Variants in DNAH9 observed in about 807,000 individuals in gnomAD.
DNAH9 encodes dynein axonemal heavy chain 9, also known as DNAH9 variant protein.
DNAH9 carries 345 observed loss-of-function variants against 471.6 expected under a neutral mutation model. That is an observed-to-expected ratio of 0.73 (90% CI 0.67 to 0.80). The LOEUF (loss-of-function observed/expected upper bound fraction) is 0.80, where lower values mean the gene tolerates loss of function less well. Ranked by LOEUF, DNAH9 falls within the 30% of genes least tolerant of loss-of-function variation. DNAH9 has a pLI of 0.00. For synonymous variants in DNAH9, 2,093 were observed against 2,123.6 expected (o/e 0.99, Z 0.40); for missense variants, 5,407 against 5,609.2 (o/e 0.96, Z 1.15).
intron 4 of DNAH9, chr17:11,612,136 C>T: frequency 1.9e-6 from 1 of 538,758 alleles, no homozygotes; most frequent in Admixed American, 3.2e-5. Flanking sequence ...GGAGCTGTCC[C>T]TTTGTGTCTT....
intron 24 of DNAH9, 43 bp from the exon 25 acceptor site, chr17:11,704,160 C>G: frequency 1.2e-6 from 2 of 1,609,462 alleles, no homozygotes; most frequent in Middle Eastern, 1.7e-4. Context: ...TGGTTGGAAA[C>G]AGCCATGATA....
At chr17:11,713,408 G>A (rs550078974) in intron 26 of DNAH9, among the ~76,000 whole-genome samples, 2 of 151,946 alleles carry the variant, frequency 1.3e-5, no homozygotes, top group Non-Finnish European at 2.9e-5. Flanking sequence ...ATTCCTCTGG[G>A]TATATACCCA....
intron 55 of DNAH9, chr17:11,883,018 G>C: frequency 1.0e-6 from 1 of 985,836 alleles, no homozygotes; most frequent in South Asian, 4.7e-5. Context: ...GCTGCCTGAA[G>C]TTAGTGCTTT....
At chr17:11,747,871 C>A in intron 32 of DNAH9, 105 bp downstream of exon 32, 1 of 1,045,570 alleles carries the variant, frequency 9.6e-7, no homozygotes, top group Non-Finnish European at 1.4e-6. Context: ...TTGGACTGAT[C>A]TGTTTGGAAC....
intron 61 of DNAH9, among the ~76,000 whole-genome samples, chr17:11,913,755 C>T (rs1006608749): frequency 1.3e-5 from 2 of 150,368 alleles, no homozygotes; most frequent in African/African-American, 4.9e-5. Flanking sequence ...GCACTCCAGC[C>T]TGGGCGACAG....
At chr17:11,912,648 G>A (rs1973827355) in intron 61 of DNAH9, among the ~76,000 whole-genome samples, 1 of 151,996 alleles carries the variant, frequency 6.6e-6, no homozygotes, top group Non-Finnish European at 1.5e-5. Flanking sequence ...GCATTCCTAG[G>A]ATCTCAGTCA....
intron 67 of DNAH9, among the ~76,000 whole-genome samples, chr17:11,947,410 C>A (rs1312035857): frequency 6.6e-6 from 1 of 152,130 alleles, no homozygotes; most frequent in Non-Finnish European, 1.5e-5. Context: ...ACTTTTAATG[C>A]CCAATACAGT....
chr17:11,830,002 T>TC (rs1164777333), intron 48 of DNAH9, among the ~76,000 whole-genome samples: 1 of 152,200 alleles, frequency 6.6e-6, no homozygotes, highest in African/African-American at 2.4e-5. Context: ...CAGGCCTGTT[T>TC]CCCTCTGGAG....
At chr17:11,916,913 T>C (rs1189136486) in intron 61 of DNAH9, among the ~76,000 whole-genome samples, 1 of 152,204 alleles carries the variant, frequency 6.6e-6, no homozygotes, top group Non-Finnish European at 1.5e-5. Flanking sequence ...CTTCAGTCCC[T>C]GAAGTTTATC....
chr17:11,651,204 T>C lies in DNAH9; in HGVS notation c.2233T>C (p.Trp745Arg). Residue 745 changes from tryptophan (W) to arginine (R), a missense_variant, in exon 13 of 69, where the codon TGG becomes CGG. By Grantham distance (101) the Trp-to-Arg change is moderately radical. Coordinates refer to ENST00000262442, the MANE Select transcript of DNAH9 (RefSeq NM_001372.4). ...LVANLELMANWYNKVMKTLLE... is the reference protein window; with the variant it reads ...LVANLELMANRYNKVMKTLLE... Reference sequence around the variant, plus strand: ...GGCTAATTTAGAGTTGATGGCAAATTGGTACAACAAGGTTATGAAAACTCT... The same window carrying C: ...GGCTAATTTAGAGTTGATGGCAAATCGGTACAACAAGGTTATGAAAACTCT... 6.2e-7 allele frequency: 1 copy of C among 1,614,078 alleles called. No homozygotes were observed. The highest frequency in any genetic ancestry group is 8.5e-7 in the Non-Finnish European group (1 of 1,180,014).
intron 1 of DNAH9, among the ~76,000 whole-genome samples, chr17:11,600,511 G>A (rs758676755): frequency 2.6e-5 from 4 of 152,098 alleles, no homozygotes; most frequent in African/African-American, 4.8e-5. Flanking sequence ...GAAAATTCTC[G>A]AATGTTTAAG....
chr17:11,659,131 G>C (rs192546054), intron 14 of DNAH9, among the ~76,000 whole-genome samples: 1 of 151,466 alleles, frequency 6.6e-6, no homozygotes, highest in Admixed American at 6.6e-5. Context: ...TTCTTCTGGG[G>C]AAAGTGTTTG....
At chr17:11,696,081 G>A (rs926289656) in intron 22 of DNAH9, among the ~76,000 whole-genome samples, 2 of 152,108 alleles carry the variant, frequency 1.3e-5, no homozygotes, top group African/African-American at 4.8e-5. Context: ...CCATAACCAC[G>A]TCTGTTCCAC....
intron 61 of DNAH9, among the ~76,000 whole-genome samples, 176 bp downstream of exon 61, chr17:11,905,985 A>T (rs1973584199): frequency 6.6e-6 from 1 of 152,210 alleles, no homozygotes; most frequent in Admixed American, 6.5e-5. Context: ...AGGGAGAGAA[A>T]GAGCCACTCT....
At chr17:11,646,384 C>T (rs1290122898) in intron 11 of DNAH9, among the ~76,000 whole-genome samples, 1 of 152,166 alleles carries the variant, frequency 6.6e-6, no homozygotes, top group Non-Finnish European at 1.5e-5. Context: ...CCTTTACTGT[C>T]AGGTACTCAT....
intron 40 of DNAH9, 101 bp downstream of exon 40, chr17:11,783,849 T>C: frequency 1.1e-6 from 1 of 911,226 alleles, no homozygotes; most frequent in Non-Finnish European, 1.7e-6. Context: ...CCATGCAGCC[T>C]CTCAGAATGG....
rs906745766 is a variant in DNAH9, at chr17:11,932,472, T to C, written c.12297+267T>C. Among the ~76,000 whole-genome samples, 1 of 152,174 alleles carries C rather than the reference T, an allele frequency of 6.6e-6. No individual in the cohort carries two copies. Among genetic ancestry groups the C allele is most frequent in the Admixed American group, 6.6e-5 (1 of 15,266 alleles). On this transcript the variant is annotated intron_variant, in intron 64 of 68. Transcript: ENST00000262442. This position sits in a 1 kb window ranked among gnomAD's most constrained non-coding sequence, Gnocchi z 4.3. ...AATCGGAGCCCATGCATCAACATCATTGGCAGGACCTGGGAGCTAGTTAGA... is the reference window on the plus strand; with the variant it reads ...AATCGGAGCCCATGCATCAACATCACTGGCAGGACCTGGGAGCTAGTTAGA...
intron 51 of DNAH9, among the ~76,000 whole-genome samples, chr17:11,870,380 G>C (rs115016914): frequency 0.011 from 1,705 of 152,268 alleles, 41 homozygotes; most frequent in African/African-American, 0.037. Flanking sequence ...AGACTTTACA[G>C]CACCCTCCTC....
intron 55 of DNAH9, 140 bp from the exon 56 acceptor site, chr17:11,883,446 C>CTCA: frequency 1.7e-6 from 2 of 1,192,070 alleles, no homozygotes; most frequent in Non-Finnish European, 2.3e-6. Flanking sequence ...TTGTCTCCTG[C>CTCA]TCATGGTCTG....
Sources: gnomAD v4.1 joint callset for allele counts (sites outside exome capture counted in the v4.1 genomes callset) on GRCh38, gnomAD v4.1.1 for gene constraint, Gnocchi (gnomAD v3.1) non-coding constraint, MANE v1.5 for transcripts, NCBI Gene and HGNC (gene_info 2026-07-23, HGNC 2026-07-21) for gene names.